ADIPOR2: variants seen among roughly 807,000 people sequenced by gnomAD.
The protein encoded by ADIPOR2 is adiponectin receptor protein 2.
Under a neutral mutation model 40.9 loss-of-function variants are expected in ADIPOR2, and 18 were observed. The observed-to-expected ratio is 0.44, with a 90% CI of 0.30 to 0.65. ADIPOR2 has a LOEUF of 0.65. Ranked by LOEUF, ADIPOR2 falls within the 30% of genes least tolerant of loss-of-function variation. ADIPOR2 has a pLI of 0.09. For missense variants in ADIPOR2, 283 were observed against 479.2 expected (o/e 0.59, Z 3.82); for synonymous variants, 165 against 166.4 (o/e 0.99, Z 0.06).
At position 1,785,964 on chromosome 12, in the gene ADIPOR2, T is replaced by A; in HGVS notation, c.1053T>A (p.Phe351Leu). 6.2e-7 allele frequency: 1 copy of A among 1,614,218 alleles called. No individual in the cohort carries two copies. Among genetic ancestry groups the A allele is most frequent in the Non-Finnish European group, 8.5e-7 (1 of 1,180,038 alleles). ...CDIWFHSHQLFHIFVVAGAFV... is the reference protein window; with the variant it reads ...CDIWFHSHQLLHIFVVAGAFV... ...TCCAGTTTCACTCTCATCAGCTGTT[T>A]CATATCTTTGTGGTTGCTGGAGCTT... Residue 351 changes from phenylalanine to leucine, a missense_variant, in exon 8 of 8, where the codon TTT becomes TTA. Physicochemically the swap from Phe to Leu is conservative, Grantham distance 22. Around this residue, in one of 3 missense-constraint regions of ADIPOR2, gnomAD observed 106 missense variants for 149.7 expected, o/e 0.71. Transcript: ENST00000357103.
In ADIPOR2 at chr12:1,754,258, G is replaced by T; in HGVS notation, c.-86G>T. On this transcript the variant is annotated splice_region_variant and 5_prime_UTR_variant, in exon 2 of 8. Transcript: ENST00000357103. ...TTTTTCAAAACTTTCATCTTCTTAG[G>T]ATCAACTCACTATCCTGAAGGTCCA... The T allele has an allele frequency of 7.5e-7, 1 of 1,324,934 alleles. No individual in the cohort carries two copies. Among genetic ancestry groups the T allele is most frequent in the Non-Finnish European group, 1.0e-6 (1 of 1,004,710 alleles). The allele number at this position is 1,324,934 out of a possible 1,614,324, so 82.1% of individuals were successfully genotyped here. A position where few individuals can be genotyped will look rare whatever the true frequency, so the allele number is the denominator to read the frequency against.
At chr12:1,694,742 C>T (rs926295613) in intron 1 of ADIPOR2, among the ~76,000 whole-genome samples, 3 of 152,134 alleles carry the variant, frequency 2.0e-5, no homozygotes, top group Admixed American at 2.0e-4. Flanking sequence ...GGTCTTTTCA[C>T]CTCTCTTTGT....
chr12:1,733,505 T>G (rs922788443), intron 1 of ADIPOR2, among the ~76,000 whole-genome samples: 17 of 152,194 alleles, frequency 1.1e-4, no homozygotes, highest in African/African-American at 3.9e-4. Flanking sequence ...GTTTCTTCTA[T>G]CTTTTTTGTG....
intron 1 of ADIPOR2, among the ~76,000 whole-genome samples, chr12:1,712,275 C>G (rs2094678997): frequency 6.6e-6 from 1 of 152,092 alleles, no homozygotes. Flanking sequence ...TTGAGAGCCG[C>G]ACAGATGCAT....
chr12:1,706,755 T>A (rs1034494270), intron 1 of ADIPOR2, among the ~76,000 whole-genome samples: 1 of 152,142 alleles, frequency 6.6e-6, no homozygotes, highest in Non-Finnish European at 1.5e-5. Flanking sequence ...TCCCTCACAG[T>A]CAGTGCACCA....
intron 1 of ADIPOR2, among the ~76,000 whole-genome samples, chr12:1,700,797 T>TAA (rs141307691): frequency 0.043 from 6,238 of 144,162 alleles, 228 homozygotes; most frequent in East Asian, 0.18. Flanking sequence ...GCCCTAGATT[T>TAA]AAAAAAAAAA....
intron 2 of ADIPOR2, among the ~76,000 whole-genome samples, chr12:1,761,741 C>T (rs1565652719): frequency 6.6e-6 from 1 of 152,230 alleles, no homozygotes; most frequent in African/African-American, 2.4e-5. Flanking sequence ...GTCTCCTCAT[C>T]ATCTGTTCTG....
intron 1 of ADIPOR2, among the ~76,000 whole-genome samples, chr12:1,695,030 TTTG>T (rs148456046): frequency 0.27 from 38,979 of 143,382 alleles, 5,671 homozygotes; most frequent in Admixed American, 0.44. Context: ...TTTTTTTTGT[TTTG>T]TTTTTTTAAG....
intron 1 of ADIPOR2, among the ~76,000 whole-genome samples, chr12:1,747,615 T>C (rs2094758492): frequency 1.3e-5 from 2 of 152,172 alleles, no homozygotes; most frequent in East Asian, 1.9e-4. Flanking sequence ...AGGAACAAAA[T>C]CTGTTTTATT....
At chr12:1,782,593 A>G (rs1031851167) in intron 6 of ADIPOR2, among the ~76,000 whole-genome samples, 5 of 152,360 alleles carry the variant, frequency 3.3e-5, no homozygotes, top group Admixed American at 2.6e-4. Context: ...TATAAATTAC[A>G]AAACTTTAAC....
At chr12:1,745,456 A>G (rs1248157259) in intron 1 of ADIPOR2, among the ~76,000 whole-genome samples, 2 of 152,196 alleles carry the variant, frequency 1.3e-5, no homozygotes, top group Admixed American at 1.3e-4. Context: ...TATACGCTGA[A>G]TGAATTTATA....
At chr12:1,757,622 C>T (rs1430684667) in intron 2 of ADIPOR2, 7 of 1,290,788 alleles carry the variant, frequency 5.4e-6, no homozygotes, top group South Asian at 1.2e-5. Context: ...TGAGGGATTC[C>T]TTTTGTGCCC....
Position 1,786,355 on chromosome 12 carries a change from T to C in ADIPOR2, c.*283T>C. 1 of 344,464 alleles carries C rather than the reference T, an allele frequency of 2.9e-6. No individual in the cohort carries two copies. The allele number at this position is 344,464 out of a possible 1,614,324, so 21.3% of individuals were successfully genotyped here. On this transcript the variant is annotated 3_prime_UTR_variant, in exon 8 of 8. Coordinates refer to ENST00000357103, the MANE Select transcript of ADIPOR2 (RefSeq NM_024551.3). ...CTGATTGCGGGCTCTGCAAGACCCT[T>C]GGCAAACTGGCTTCTGATCCATATC...
chr12:1,747,956 A>G (rs1327139910), intron 1 of ADIPOR2, among the ~76,000 whole-genome samples: 2 of 151,942 alleles, frequency 1.3e-5, no homozygotes, highest in Admixed American at 6.5e-5. Flanking sequence ...TGTGTGGTTT[A>G]TTGTCTTCAG....
intron 2 of ADIPOR2, among the ~76,000 whole-genome samples, chr12:1,759,288 A>G (rs1862217760): frequency 6.6e-6 from 1 of 152,144 alleles, no homozygotes; most frequent in South Asian, 2.1e-4. Flanking sequence ...ATTTTGCATC[A>G]TTTTCTTTGT....
Position 1,693,048 on chromosome 12 carries a change from G to GC in ADIPOR2, c.-87+1857_-87+1858insC, listed in dbSNP as rs540123634. ...CGCACTCTTGTTATCCCAGCTGCCC[G>GC]GGAGGCTGAGGCAGGAGAATCGTTT... On this transcript the variant is annotated intron_variant, in intron 1 of 7. Coordinates refer to ENST00000357103, the MANE Select transcript of ADIPOR2 (RefSeq NM_024551.3). Among the ~76,000 whole-genome samples the GC allele has an allele frequency of 5.3e-5, 8 of 152,204 alleles. No homozygotes were observed. In the East Asian group the frequency reaches 1.5e-3, roughly 29 times the overall value.
chr12:1,743,806 A>G (rs539078446), intron 1 of ADIPOR2, among the ~76,000 whole-genome samples: 32 of 152,220 alleles, frequency 2.1e-4, no homozygotes, highest in Non-Finnish European at 3.1e-4. Flanking sequence ...AGAGTCTTGC[A>G]TTTGATGAAT....
intron 1 of ADIPOR2, among the ~76,000 whole-genome samples, chr12:1,726,833 A>G (rs560849847): frequency 4.6e-5 from 7 of 152,284 alleles, no homozygotes; most frequent in Non-Finnish European, 1.0e-4. Flanking sequence ...TCCATTTCCA[A>G]AAAGAAACTC....
At chr12:1,745,995 A>G (rs1261822409) in intron 1 of ADIPOR2, among the ~76,000 whole-genome samples, 2 of 152,174 alleles carry the variant, frequency 1.3e-5, no homozygotes, top group Middle Eastern at 3.2e-3. Flanking sequence ...AATAAAAATA[A>G]GTCTTCTTCC....
Sources: allele counts gnomAD v4.1 joint callset (sites outside exome capture counted in the v4.1 genomes callset), GRCh38; gene constraint gnomAD v4.1.1; regional missense constraint gnomAD v4.1.1; transcripts MANE v1.5; gene names NCBI Gene and HGNC (gene_info 2026-07-23, HGNC 2026-07-21).